The following GTF3C1 variants were observed in gnomAD, a reference collection of about 807,000 sequenced individuals.
The protein encoded by GTF3C1 is general transcription factor 3C polypeptide 1.
GTF3C1 carries 57 observed loss-of-function variants against 226.7 expected under a neutral mutation model. That is an observed-to-expected ratio of 0.25 (90% CI 0.20 to 0.31). The LOEUF is 0.31. Ranked by LOEUF, GTF3C1 falls within the 10% of genes least tolerant of loss-of-function variation. The pLI, the probability that GTF3C1 is intolerant of heterozygous loss-of-function variation, is 1.00. For synonymous variants in GTF3C1, 1,090 were observed against 1,084.8 expected (o/e 1.00, Z -0.09); for missense variants, 2,217 against 2,776.1 (o/e 0.80, Z 4.53).
Position 27,460,765 on chromosome 16 carries a change from G to A in GTF3C1, c.*585C>T, listed in dbSNP as rs1468469570. 1.3e-5 allele frequency: 2 copies of A among 152,118 alleles called. No individual in the cohort carries two copies. The highest frequency in any genetic ancestry group is 2.9e-5 in the Non-Finnish European group (2 of 68,036). The allele number at this position is 152,118 out of a possible 1,614,324, so 9.4% of individuals were successfully genotyped here. ...ATTTCTGGCCTGCAAGGAATCACCA[G>A]CCAGGCTGAGGGACACGGACAGCCA... On this transcript the variant is annotated 3_prime_UTR_variant, in exon 37 of 37. Coordinates refer to ENST00000356183, the MANE Select transcript of GTF3C1 (RefSeq NM_001520.4).
At chr16:27,542,700 T>C (rs558409698) in intron 2 of GTF3C1, among the ~76,000 whole-genome samples, 4 of 152,232 alleles carry the variant, frequency 2.6e-5, no homozygotes, top group South Asian at 4.1e-4. Context: ...TGAGTCTCCT[T>C]CTCTTGGGAA....
intron 29 of GTF3C1, among the ~76,000 whole-genome samples, chr16:27,475,948 G>A (rs1299562415): frequency 6.6e-6 from 1 of 152,126 alleles, no homozygotes; most frequent in African/African-American, 2.4e-5. Flanking sequence ...CTCAGCTCTG[G>A]GAGGGATTGT....
chr16:27,517,434 C>A (rs1342655329), intron 6 of GTF3C1, among the ~76,000 whole-genome samples: 1 of 152,230 alleles, frequency 6.6e-6, no homozygotes, highest in Non-Finnish European at 1.5e-5. Context: ...TTTAAGCTGC[C>A]ACCTCAGTGA....
intron 5 of GTF3C1, among the ~76,000 whole-genome samples, chr16:27,530,824 G>A (rs74426255): frequency 0.012 from 1,845 of 152,252 alleles, 48 homozygotes; most frequent in African/African-American, 0.041. Flanking sequence ...TGATCCCTGC[G>A]TCAGAAGCCT....
chr16:27,510,665 C>G (rs1054286954), intron 7 of GTF3C1, among the ~76,000 whole-genome samples: 1 of 152,162 alleles, frequency 6.6e-6, no homozygotes, highest in Non-Finnish European at 1.5e-5. Context: ...AAGGTTGGGC[C>G]GACCCAACAG....
Position 27,461,579 on chromosome 16 carries a change from C to A in GTF3C1, c.6118-17G>T. ...CTCCAGGCCCTGGAGACACCAGACA[C>A]ACAGGTTACAGCGGCACTGCCCTCG... On this transcript the variant is annotated splice_polypyrimidine_tract_variant and intron_variant, in intron 36 of 36. Coordinates refer to ENST00000356183, the MANE Select transcript of GTF3C1 (RefSeq NM_001520.4). This position sits in a 1 kb window ranked among gnomAD's most constrained non-coding sequence, Gnocchi z 5.3. 1.3e-6 allele frequency: 2 copies of A among 1,586,330 alleles called. No individual in the cohort carries two copies. The highest frequency in any genetic ancestry group is 1.7e-6 in the Non-Finnish European group (2 of 1,155,834).
At chr16:27,495,516 G>A (rs761963309) in intron 14 of GTF3C1, 24 bp from the exon 15 acceptor site, 163 of 1,599,914 alleles carry the variant, frequency 1.0e-4, no homozygotes, top group East Asian at 8.5e-4. Context: ...GGGAGAGGGC[G>A]GTGCTTGAAA....
At chr16:27,481,497 C>A (rs751567354) in intron 26 of GTF3C1, among the ~76,000 whole-genome samples, 2 of 152,124 alleles carry the variant, frequency 1.3e-5, no homozygotes, top group African/African-American at 4.8e-5. Flanking sequence ...ATGACTCAAA[C>A]GTGCCCCACA....
intron 10 of GTF3C1, among the ~76,000 whole-genome samples, chr16:27,504,389 C>T (rs1423929709): frequency 6.6e-6 from 1 of 152,226 alleles, no homozygotes; most frequent in Non-Finnish European, 1.5e-5. Context: ...TGGTTAGAAA[C>T]AATGCCAATC....
intron 6 of GTF3C1, among the ~76,000 whole-genome samples, chr16:27,515,669 C>A (rs936864402): frequency 6.6e-6 from 1 of 152,160 alleles, no homozygotes. Context: ...ATCTCAAGTT[C>A]CATAGCTCCC....
intron 27 of GTF3C1, 39 bp downstream of exon 27, chr16:27,481,040 C>G (rs781642637): frequency 6.5e-7 from 1 of 1,538,616 alleles, no homozygotes; most frequent in Non-Finnish European, 9.0e-7. Context: ...TCTTCTTGCC[C>G]TGCGAGGGCC....
At chr16:27,516,937 C>T (rs181616028) in intron 6 of GTF3C1, among the ~76,000 whole-genome samples, 9 of 152,286 alleles carry the variant, frequency 5.9e-5, no homozygotes, top group Admixed American at 5.9e-4. Context: ...AAGCCTGGTG[C>T]ACATCTTTCC....
At position 27,461,218 on chromosome 16, in the gene GTF3C1, G is replaced by C. The variant is rs2087698088; in HGVS notation, c.*132C>G. The C allele has an allele frequency of 1.6e-6, 1 of 624,020 alleles. No homozygotes were observed. The highest frequency in any genetic ancestry group is 2.9e-5 in the Admixed American group (1 of 34,564). 38.7% of individuals were successfully genotyped at this position (624,020 alleles called of 1,614,324 possible). ...GGGAAACGTGTCAGTCTGTGACTCT[G>C]GCCAAAGCACCCGTCCCCTGCTGCA... On this transcript the variant is annotated 3_prime_UTR_variant, in exon 37 of 37. Transcript: ENST00000356183. The surrounding 1 kb of genome is among the most constrained non-coding windows in gnomAD (Gnocchi z 5.3).
At chr16:27,526,101 AC>A (rs1311739814) in intron 6 of GTF3C1, among the ~76,000 whole-genome samples, 3 of 151,468 alleles carry the variant, frequency 2.0e-5, no homozygotes, top group Non-Finnish European at 4.4e-5. Flanking sequence ...TGTTGGGAAA[AC>A]CCCCAAATTT....
intron 24 of GTF3C1, among the ~76,000 whole-genome samples, chr16:27,485,732 T>G (rs569930514): frequency 6.6e-6 from 1 of 152,232 alleles, no homozygotes; most frequent in South Asian, 2.1e-4. Context: ...GTCCCAGGAC[T>G]ATGAGAGGCT....
intron 2 of GTF3C1, among the ~76,000 whole-genome samples, chr16:27,542,282 C>T (rs1284534493): frequency 2.0e-5 from 3 of 152,204 alleles, no homozygotes; most frequent in Admixed American, 1.3e-4. Context: ...ACCAGTATGC[C>T]GGGTGCAGTG....
At chr16:27,520,695 T>C (rs2088732485) in intron 6 of GTF3C1, among the ~76,000 whole-genome samples, 1 of 152,292 alleles carries the variant, frequency 6.6e-6, no homozygotes, top group African/African-American at 2.4e-5. Flanking sequence ...TGGGCTGAGT[T>C]AGTAGCTGAC....
intron 28 of GTF3C1, 95 bp from the exon 29 acceptor site, chr16:27,476,639 A>C: frequency 1.4e-6 from 1 of 706,416 alleles, no homozygotes; most frequent in Admixed American, 2.2e-5. Context: ...GAATCTCACA[A>C]AAGGGACACA....
intron 7 of GTF3C1, among the ~76,000 whole-genome samples, chr16:27,509,223 A>G (rs1596642690): frequency 6.6e-6 from 1 of 152,198 alleles, no homozygotes; most frequent in South Asian, 2.1e-4. Flanking sequence ...CTCGCAGACC[A>G]CTGGCCCCCG....
Sources: gnomAD v4.1 joint callset for allele counts (sites outside exome capture counted in the v4.1 genomes callset) on GRCh38, gnomAD v4.1.1 for gene constraint, Gnocchi (gnomAD v3.1) non-coding constraint, MANE v1.5 for transcripts, NCBI Gene and HGNC (gene_info 2026-07-23, HGNC 2026-07-21) for gene names.